LCOR: variants seen among roughly 807,000 people sequenced by gnomAD.
LCOR encodes ligand dependent nuclear receptor corepressor.
LCOR carries 14 observed loss-of-function variants against 64.4 expected under a neutral mutation model. That is an observed-to-expected ratio of 0.22 (90% CI 0.14 to 0.34). The LOEUF (loss-of-function observed/expected upper bound fraction) is 0.34. Among genes scored for constraint, LCOR ranks in the 10% least tolerant of loss-of-function variants. The pLI is 1.00. For missense variants in LCOR, 1,686 were observed against 1,765.3 expected, an observed-to-expected ratio of 0.96 and a Z score of 0.80; for synonymous variants, 643 against 642.5, an observed-to-expected ratio of 1.00 and a Z score of -0.01.
At chr10:96,833,319 G>A (rs1001764947) in intron 1 of LCOR, 87 bp from the exon 2 acceptor site, 1 of 955,216 alleles carries the variant, frequency 1.0e-6, no homozygotes, top group Non-Finnish European at 1.2e-6. Flanking sequence ...GGGCCGGAGG[G>A]AGCGCGGACG....
chr10:96,887,306 G>A lies in LCOR; in HGVS notation c.-329-19959G>A, dbSNP rs531511417. On this transcript the variant is annotated intron_variant, in intron 2 of 7. Transcript: ENST00000421806. ...ACTTTGGCCGGGCATGGTGGCTCAC[G>A]CTTGTAATCCCAGCACTTTGGGAGG... Among the ~76,000 whole-genome samples, 17 of 152,246 alleles carry A rather than the reference G, an allele frequency of 1.1e-4. No homozygotes were observed. In the South Asian group the frequency reaches 2.1e-3, roughly 19 times the overall value.
chr10:96,919,945 C>T (rs1847018907), intron 4 of LCOR, among the ~76,000 whole-genome samples: 1 of 152,170 alleles, frequency 6.6e-6, no homozygotes, highest in South Asian at 2.1e-4. Flanking sequence ...AATAATTCTG[C>T]TATGAACATG....
At chr10:96,843,773 G>T (rs1362246922) in intron 2 of LCOR, among the ~76,000 whole-genome samples, 1 of 152,126 alleles carries the variant, frequency 6.6e-6, no homozygotes, top group East Asian at 1.9e-4. Flanking sequence ...GTATCCTTTT[G>T]TATGGCACCA....
At chr10:96,903,935 A>G (rs1003721379) in intron 2 of LCOR, among the ~76,000 whole-genome samples, 1 of 152,228 alleles carries the variant, frequency 6.6e-6, no homozygotes, top group African/African-American at 2.4e-5. Context: ...TAAAAGAAAA[A>G]TGAGAACATA....
chr10:96,942,412 C>G (rs553202672), intron 4 of LCOR, among the ~76,000 whole-genome samples: 1 of 152,004 alleles, frequency 6.6e-6, no homozygotes, highest in South Asian at 2.1e-4. Flanking sequence ...AGCTTTGGCT[C>G]GGCATCAGAG....
chr10:96,914,249 T>C (rs1221321336), intron 4 of LCOR, among the ~76,000 whole-genome samples: 3 of 152,216 alleles, frequency 2.0e-5, no homozygotes, highest in African/African-American at 7.2e-5. Flanking sequence ...CAGGCTAGAG[T>C]ACAGTGGCGC....
chr10:96,907,650 T>G lies in LCOR; in HGVS notation c.-263-18T>G. 3.3e-6 allele frequency: 3 copies of G among 913,648 alleles called. No individual in the cohort carries two copies. The highest frequency in any genetic ancestry group is 3.9e-6 in the Non-Finnish European group (3 of 764,150). 56.6% of individuals were successfully genotyped at this position (913,648 alleles called of 1,614,324 possible). ...AAAATTCTCTTTTATGACTATTAAT[T>G]TGTTACTATTTTTGCAGACTGTGAA... On this transcript the variant is annotated intron_variant, in intron 3 of 7. Transcript: ENST00000421806.
chr10:96,844,094 TCCCTCCCTCCCTTCCTTCCC>T (rs1262225808), intron 2 of LCOR, among the ~76,000 whole-genome samples: 1 of 20,140 alleles, frequency 5.0e-5, no homozygotes, highest in Admixed American at 4.2e-4. Context: ...CTTCCCACCC[TCCCTCCCTCCCTTCCTTCCC>T]CCCTCCCTCC....
At chr10:96,906,010 C>T (rs891705559) in intron 2 of LCOR, among the ~76,000 whole-genome samples, 2 of 152,156 alleles carry the variant, frequency 1.3e-5, no homozygotes, top group Admixed American at 6.5e-5. Context: ...ACCCCCTTAC[C>T]TTCTAAATCC....
At chr10:96,890,028 A>G (rs1160901087) in intron 2 of LCOR, among the ~76,000 whole-genome samples, 1 of 152,056 alleles carries the variant, frequency 6.6e-6, no homozygotes. Context: ...CCCACCAGCA[A>G]TGTGTGAGGG....
At chr10:96,911,719 T>A (rs111301174) in intron 4 of LCOR, among the ~76,000 whole-genome samples, 32 of 152,206 alleles carry the variant, frequency 2.1e-4, no homozygotes, top group Non-Finnish European at 5.9e-5. Context: ...ACTGACTGAC[T>A]GACTGCCTGA....
intron 4 of LCOR, among the ~76,000 whole-genome samples, chr10:96,908,428 A>G (rs554161145): frequency 6.6e-6 from 1 of 152,358 alleles, no homozygotes; most frequent in Admixed American, 6.5e-5. Context: ...AGTAATGTAG[A>G]TCTGGATCAA....
chr10:96,879,022 C>G (rs971333984), intron 2 of LCOR, among the ~76,000 whole-genome samples: 39 of 152,234 alleles, frequency 2.6e-4, no homozygotes, highest in Admixed American at 1.6e-3. Context: ...TCTCGAACTC[C>G]TGAGCTCAAG....
intron 2 of LCOR, among the ~76,000 whole-genome samples, chr10:96,861,285 A>G (rs141982121): frequency 2.2e-3 from 340 of 152,342 alleles, no homozygotes; most frequent in African/African-American, 7.5e-3. Context: ...ACTAAAATGA[A>G]ATAACAGTAA....
intron 2 of LCOR, among the ~76,000 whole-genome samples, chr10:96,882,332 G>T (rs1407050349): frequency 6.6e-6 from 1 of 152,208 alleles, no homozygotes; most frequent in African/African-American, 2.4e-5. Flanking sequence ...CAGAAAGGTT[G>T]TTGGAAAATA....
At chr10:96,906,647 AT>A (rs1309535577) in intron 2 of LCOR, among the ~76,000 whole-genome samples, 2 of 151,800 alleles carry the variant, frequency 1.3e-5, no homozygotes, top group Non-Finnish European at 2.9e-5. Flanking sequence ...AGTATATTTG[AT>A]TTTTTTCTCT....
intron 4 of LCOR, among the ~76,000 whole-genome samples, chr10:96,943,554 G>T (rs538585120): frequency 6.6e-6 from 1 of 152,246 alleles, no homozygotes; most frequent in East Asian, 1.9e-4. Context: ...CCCATTAAAG[G>T]TTTGAGAACC....
rs946215721 is a variant in LCOR, at chr10:96,889,690, A to C, written c.-329-17575A>C. ...GCCACACTGGGGTTAGGGCGTTAAC[A>C]TGAATTTTGGGAGTGACATAAACTT... On this transcript the variant is annotated intron_variant, in intron 2 of 7. Transcript: ENST00000421806. Among the ~76,000 whole-genome samples, 4 of 152,304 alleles carry C rather than the reference A, an allele frequency of 2.6e-5. No individual in the cohort carries two copies. The East Asian group carries it at 7.7e-4, about 29-fold the overall frequency.
At chr10:96,905,408 A>C (rs1275938459) in intron 2 of LCOR, among the ~76,000 whole-genome samples, 5 of 152,124 alleles carry the variant, frequency 3.3e-5, no homozygotes, top group Non-Finnish European at 7.4e-5. Flanking sequence ...AGGTGTTGAA[A>C]TACTTTATTA....
Sources: gnomAD v4.1 joint callset for allele counts (sites outside exome capture counted in the v4.1 genomes callset) on GRCh38, gnomAD v4.1.1 for gene constraint, MANE v1.5 for transcripts, NCBI Gene and HGNC (gene_info 2026-07-23, HGNC 2026-07-21) for gene names.